ACTR3C: variants seen among roughly 807,000 people sequenced by gnomAD.
ACTR3C encodes the protein actin related protein 3C.
Under a neutral mutation model 26.3 loss-of-function variants are expected in ACTR3C, and 18 were observed. The ratio of observed to expected loss-of-function variants is 0.68; its 90% CI spans 0.47 to 1.01. The LOEUF is 1.01. Among genes scored for constraint, ACTR3C ranks in the 50% least tolerant of loss-of-function variants. The pLI, the probability that ACTR3C is intolerant of heterozygous loss-of-function variation, is 0.00. For synonymous variants in ACTR3C, 55 were observed against 94.5 expected (o/e 0.58, Z 2.42); for missense variants, 184 against 250.7 (o/e 0.73, Z 1.80).
intron 1 of ACTR3C, among the ~76,000 whole-genome samples, chr7:150,302,291 G>A (rs150906292): frequency 0.028 from 4,278 of 152,246 alleles, 219 homozygotes; most frequent in African/African-American, 0.098. Flanking sequence ...AGCCTCTTGC[G>A]CGGTGCTGAC....
At chr7:150,212,890 C>A in the ACTR3C span, among the ~76,000 whole-genome samples, 5 of 150,996 alleles carry the variant, frequency 3.3e-5, no homozygotes, top group Non-Finnish European at 7.4e-5. Flanking sequence ...TCATTAACTG[C>A]GTTTTGTTGG....
the ACTR3C span, among the ~76,000 whole-genome samples, chr7:149,882,859 G>C: frequency 0.6 from 91,652 of 151,874 alleles, 28,004 homozygotes; most frequent in African/African-American, 0.66. Context: ...ACAAAGGGCT[G>C]TCTGTGTTAT....
the ACTR3C span, among the ~76,000 whole-genome samples, chr7:150,167,018 G>GTATATATATATATA: frequency 1.4e-5 from 2 of 147,296 alleles, no homozygotes; most frequent in Admixed American, 6.7e-5. Flanking sequence ...ATTCCACTGT[G>GTATATATATATATA]TATATATATA....
At chr7:150,187,403 T>C in the ACTR3C span, among the ~76,000 whole-genome samples, 1 of 151,960 alleles carries the variant, frequency 6.6e-6, no homozygotes, top group African/African-American at 2.4e-5. Context: ...TTCTCTACCA[T>C]TGACATCTTG....
the ACTR3C span, among the ~76,000 whole-genome samples, chr7:150,006,719 C>T: frequency 6.6e-5 from 10 of 151,922 alleles, no homozygotes; most frequent in East Asian, 9.7e-4. Flanking sequence ...CCTCTGCAGG[C>T]GCCTCTATGG....
the ACTR3C span, among the ~76,000 whole-genome samples, chr7:150,112,389 C>G: frequency 6.6e-6 from 1 of 152,242 alleles, no homozygotes. Context: ...CACACAGGCA[C>G]ACACACGTCA....
the ACTR3C span, among the ~76,000 whole-genome samples, chr7:150,031,813 G>GCAAAGAGGACAGA: frequency 6.6e-6 from 1 of 152,188 alleles, no homozygotes; most frequent in African/African-American, 2.4e-5. Context: ...AGTGAGGACA[G>GCAAAGAGGACAGA]CAAAGAGGAC....
chr7:150,026,049 C>G, the ACTR3C span, among the ~76,000 whole-genome samples: 2 of 152,096 alleles, frequency 1.3e-5, no homozygotes, highest in Non-Finnish European at 2.9e-5. Flanking sequence ...ACCTCCCACA[C>G]AAGGTTATTC....
the ACTR3C span, among the ~76,000 whole-genome samples, chr7:149,918,370 T>A: frequency 0.93 from 141,590 of 152,118 alleles, 66,746 homozygotes; most frequent in East Asian, 1. Flanking sequence ...GCAAAAAAAA[T>A]TTTTAAGCAA....
chr7:150,163,905 C>T, the ACTR3C span, among the ~76,000 whole-genome samples: 1 of 152,152 alleles, frequency 6.6e-6, no homozygotes, highest in Non-Finnish European at 1.5e-5. Context: ...ATGCTAATCC[C>T]ATCTAGAAAT....
At chr7:150,198,078 G>A in the ACTR3C span, among the ~76,000 whole-genome samples, 1 of 151,476 alleles carries the variant, frequency 6.6e-6, no homozygotes, top group Admixed American at 6.6e-5. Flanking sequence ...GCCCCTAACC[G>A]CGAGTGATCC....
the ACTR3C span, among the ~76,000 whole-genome samples, chr7:149,958,407 C>T: frequency 6.6e-6 from 1 of 152,186 alleles, no homozygotes; most frequent in Non-Finnish European, 1.5e-5. Context: ...CTGAGCTTTC[C>T]ATTTGAGCTG....
At chr7:149,893,414 TA>T in the ACTR3C span, among the ~76,000 whole-genome samples, 1 of 152,174 alleles carries the variant, frequency 6.6e-6, no homozygotes, top group East Asian at 1.9e-4. Flanking sequence ...TGTCAATAAC[TA>T]ATAATAATAA....
the ACTR3C span, among the ~76,000 whole-genome samples, chr7:150,181,606 A>C: frequency 4.1e-5 from 6 of 145,482 alleles, no homozygotes; most frequent in Non-Finnish European, 8.9e-5. Context: ...CTCAGAAAAA[A>C]AAGTTTATAT....
chr7:150,186,335 A>G, the ACTR3C span, among the ~76,000 whole-genome samples: 2 of 152,216 alleles, frequency 1.3e-5, no homozygotes, highest in Non-Finnish European at 2.9e-5. Context: ...AAAAAAATTC[A>G]TTCTTTAGCA....
At chr7:149,992,167 C>T in the ACTR3C span, among the ~76,000 whole-genome samples, 2 of 152,266 alleles carry the variant, frequency 1.3e-5, no homozygotes, top group Non-Finnish European at 2.9e-5. Flanking sequence ...TGTGTACAGG[C>T]AGATGCCTGC....
the ACTR3C span, among the ~76,000 whole-genome samples, chr7:150,184,467 C>G: frequency 6.6e-6 from 1 of 150,582 alleles, no homozygotes; most frequent in Non-Finnish European, 1.5e-5. Context: ...TAGAGTAAGA[C>G]TAGTAACAAC....
At chr7:149,984,654 T>A in the ACTR3C span, among the ~76,000 whole-genome samples, 1 of 151,750 alleles carries the variant, frequency 6.6e-6, no homozygotes. Context: ...GTGATGGGAA[T>A]TGTAAAGTAA....
the ACTR3C span, among the ~76,000 whole-genome samples, chr7:150,026,826 CT>C: frequency 6.6e-6 from 1 of 152,058 alleles, no homozygotes; most frequent in South Asian, 2.1e-4. Context: ...AGAGGCAAGC[CT>C]TTTGCCAATT....
Sources: gnomAD v4.1 joint callset for allele counts (sites outside exome capture counted in the v4.1 genomes callset) on GRCh38, gnomAD v4.1.1 for gene constraint, MANE v1.5 for transcripts, NCBI Gene and HGNC (gene_info 2026-07-23, HGNC 2026-07-21) for gene names.